The following CHL1 variants were observed in gnomAD, a reference collection of about 807,000 sequenced individuals.
CHL1 encodes neural cell adhesion molecule L1-like protein.
CHL1 carries 96 observed loss-of-function variants against 141.9 expected under a neutral mutation model. The observed-to-expected ratio is 0.68, with a 90% CI of 0.57 to 0.80. The LOEUF (loss-of-function observed/expected upper bound fraction) is 0.80. Ranked by LOEUF, CHL1 falls within the 30% of genes least tolerant of loss-of-function variation. The pLI is 0.00. For synonymous variants in CHL1, 613 were observed against 502.2 expected, an observed-to-expected ratio of 1.22 and a Z score of -2.95; for missense variants, 1,820 against 1,457.2, an observed-to-expected ratio of 1.25 and a Z score of -4.05.
chr3:399,435 A>T (rs1035960212), intron 26 of CHL1, among the ~76,000 whole-genome samples: 1 of 151,988 alleles, frequency 6.6e-6, no homozygotes, highest in Admixed American at 6.5e-5. Context: ...AGGTCAGGAG[A>T]TCGAGACCAT....
At chr3:397,859 G>A (rs925492642) in intron 24 of CHL1, among the ~76,000 whole-genome samples, 4 of 152,168 alleles carry the variant, frequency 2.6e-5, no homozygotes, top group Non-Finnish European at 4.4e-5. Flanking sequence ...ATAAGGTTAT[G>A]TGCTGTCAAT....
chr3:394,008 C>T (rs945397418), intron 23 of CHL1, among the ~76,000 whole-genome samples: 4 of 152,142 alleles, frequency 2.6e-5, no homozygotes, highest in Non-Finnish European at 5.9e-5. Context: ...TATTTCATCT[C>T]TTGGACTATT....
intron 16 of CHL1, among the ~76,000 whole-genome samples, chr3:380,926 C>T (rs953847275): frequency 2.6e-5 from 4 of 152,162 alleles, no homozygotes; most frequent in African/African-American, 9.6e-5. Context: ...AAATATGACC[C>T]CTATTCTTGG....
At chr3:308,207 C>G (rs1559231352) in intron 2 of CHL1, among the ~76,000 whole-genome samples, 1 of 152,172 alleles carries the variant, frequency 6.6e-6, no homozygotes, top group Non-Finnish European at 1.5e-5. Flanking sequence ...CCGTCTATAT[C>G]TATGCAGATT....
Position 392,509 on chromosome 3 carries a change from C to T in CHL1, c.2914+712C>T, listed in dbSNP as rs554460987. Among the ~76,000 whole-genome samples, 9 of 152,294 alleles carry T rather than the reference C, an allele frequency of 5.9e-5. No individual in the cohort carries two copies. In the South Asian group the frequency reaches 8.3e-4, roughly 14 times the overall value. On this transcript the variant is annotated intron_variant, in intron 23 of 27. Transcript: ENST00000256509. ...GATCAGGTCGTTTTTAATAGCAGCG[C>T]GTTCCCTCTGAAACAGTCGTCAAGT...
chr3:295,936 G>A (rs540295879), intron 2 of CHL1, among the ~76,000 whole-genome samples: 1 of 152,030 alleles, frequency 6.6e-6, no homozygotes, highest in Non-Finnish European at 1.5e-5. Context: ...TTTTGAATTC[G>A]GAAGAGAGAA....
rs1301071393 is a variant in CHL1, at chr3:326,041, A to C, written c.174A>C (p.Glu58Asp). 6.2e-7 allele frequency: 1 copy of C among 1,610,856 alleles called. No individual in the cohort carries two copies. The highest frequency in any genetic ancestry group is 1.1e-5 in the South Asian group (1 of 90,866). ...PFDEYFQIEC[E>D]AKGNPEPTFS... ...ATGAGTATTTTCAAATTGAATGTGA[A>C]GCTAAAGGAAATCCAGAACCAACGT... Residue 58 changes from glutamate (E) to aspartate (D), a missense_variant, in exon 4 of 28, where the codon GAA becomes GAC. Glu to Asp is a conservative substitution (Grantham distance 45). Transcript: ENST00000256509.
chr3:265,548 C>T (rs1695078719), intron 2 of CHL1, among the ~76,000 whole-genome samples: 1 of 152,164 alleles, frequency 6.6e-6, no homozygotes, highest in Admixed American at 6.5e-5. Context: ...AATTCCAACA[C>T]TGTTTGATCT....
At chr3:346,736 G>T (rs545143493) in intron 9 of CHL1, among the ~76,000 whole-genome samples, 37 of 152,176 alleles carry the variant, frequency 2.4e-4, no homozygotes, top group African/African-American at 8.7e-4. Flanking sequence ...GTCTGATCTG[G>T]GTCGTCTCTC....
chr3:286,987 G>A (rs331876), intron 2 of CHL1, among the ~76,000 whole-genome samples: 24,801 of 151,894 alleles, frequency 0.16, 3,765 homozygotes, highest in African/African-American at 0.4. Context: ...ACCGCCACCT[G>A]TTTTATCAGC....
chr3:361,013 C>G (rs1297578772), intron 12 of CHL1, among the ~76,000 whole-genome samples: 1 of 151,862 alleles, frequency 6.6e-6, no homozygotes, highest in Non-Finnish European at 1.5e-5. Flanking sequence ...TGGGTTGGTT[C>G]CAAGTCTTTG....
intron 19 of CHL1, among the ~76,000 whole-genome samples, chr3:387,002 AG>A (rs1707787363): frequency 6.6e-6 from 1 of 152,230 alleles, no homozygotes; most frequent in African/African-American, 2.4e-5. Context: ...GTACATAATA[AG>A]TAGATACAAT....
intron 5 of CHL1, among the ~76,000 whole-genome samples, chr3:328,762 C>T (rs1701211834): frequency 6.6e-6 from 1 of 152,114 alleles, no homozygotes; most frequent in Non-Finnish European, 1.5e-5. Flanking sequence ...TCTTGCTGAT[C>T]ACAGCTAATG....
chr3:198,526 C>T (rs1364410081), intron 1 of CHL1, among the ~76,000 whole-genome samples: 1 of 152,190 alleles, frequency 6.6e-6, no homozygotes, highest in Non-Finnish European at 1.5e-5. Context: ...CATTTAACTA[C>T]GTGCCTCAGT....
At chr3:252,343 G>T (rs1693763898) in intron 2 of CHL1, among the ~76,000 whole-genome samples, 1 of 105,258 alleles carries the variant, frequency 9.5e-6, no homozygotes, top group Non-Finnish European at 1.8e-5. Context: ...TAGAGCCACA[G>T]ATTTAAGAAA....
At chr3:348,449 A>G (rs1702951829) in intron 9 of CHL1, among the ~76,000 whole-genome samples, 1 of 152,226 alleles carries the variant, frequency 6.6e-6, no homozygotes, top group Non-Finnish European at 1.5e-5. Flanking sequence ...GTCATCCTTC[A>G]TTTAGAACCA....
chr3:326,087 T>C (rs1363529080), intron 4 of CHL1, 23 bp downstream of exon 4: 1 of 1,472,676 alleles, frequency 6.8e-7, no homozygotes, highest in Admixed American at 1.7e-5. Flanking sequence ...TCAAACGAAG[T>C]GGTTCTTTAA....
rs899603790 is a variant in CHL1, at chr3:407,179, C to T, written c.*1468C>T. The T allele has an allele frequency of 4.6e-5, 7 of 152,058 alleles. No individual in the cohort carries two copies. The highest frequency in any genetic ancestry group is 1.4e-4 in the African/African-American group (6 of 41,420). 9.4% of individuals were successfully genotyped at this position (152,058 alleles called of 1,614,324 possible). On this transcript the variant is annotated 3_prime_UTR_variant, in exon 28 of 28. Coordinates refer to ENST00000256509, the MANE Select transcript of CHL1 (RefSeq NM_006614.4). ...ACATTTTATGGAAAGATTTTTTTAA[C>T]CTTACCACGAAATACTTAACTACTG...
At chr3:355,142 A>G (rs928570792) in intron 11 of CHL1, among the ~76,000 whole-genome samples, 1 of 152,220 alleles carries the variant, frequency 6.6e-6, no homozygotes, top group African/African-American at 2.4e-5. Flanking sequence ...GTTCAAAGTC[A>G]GGACCTCCTT....
Sources: gnomAD v4.1 joint callset for allele counts (sites outside exome capture counted in the v4.1 genomes callset) on GRCh38, gnomAD v4.1.1 for gene constraint, MANE v1.5 for transcripts, NCBI Gene and HGNC (gene_info 2026-07-23, HGNC 2026-07-21) for gene names.